The following WWC1 variants were observed in gnomAD, a reference collection of about 807,000 sequenced individuals.
The protein encoded by WWC1 is protein KIBRA.
A neutral mutation model predicts 138.4 loss-of-function variants in WWC1; 55 were observed. The observed-to-expected ratio is 0.40, with a 90% confidence interval of 0.32 to 0.50. The LOEUF (loss-of-function observed/expected upper bound fraction) is 0.50. Among genes scored for constraint, WWC1 ranks in the 20% least tolerant of loss-of-function variants. WWC1 has a pLI of 0.72. For missense variants in WWC1, 1,226 were observed against 1,420.4 expected (o/e 0.86, Z 2.20); for synonymous variants, 524 against 564.9 (o/e 0.93, Z 1.03).
At chr5:168,340,460 C>T (rs1773947840) in intron 1 of WWC1, among the ~76,000 whole-genome samples, 1 of 152,188 alleles carries the variant, frequency 6.6e-6, no homozygotes, top group South Asian at 2.1e-4. Flanking sequence ...CCACAAAAAA[C>T]TCTGCACCAC....
chr5:168,372,571 C>T (rs1382999909), intron 2 of WWC1, among the ~76,000 whole-genome samples: 1 of 152,218 alleles, frequency 6.6e-6, no homozygotes, highest in Non-Finnish European at 1.5e-5. Context: ...GGCATTATCT[C>T]TTTTAATCCT....
intron 1 of WWC1, among the ~76,000 whole-genome samples, chr5:168,317,059 T>C (rs1771667485): frequency 6.6e-6 from 1 of 152,202 alleles, no homozygotes; most frequent in Non-Finnish European, 1.5e-5. Context: ...TGCCACGTAC[T>C]GAGGGATTTT....
At chr5:168,341,344 C>T (rs764415496) in intron 1 of WWC1, among the ~76,000 whole-genome samples, 1 of 152,064 alleles carries the variant, frequency 6.6e-6, no homozygotes, top group African/African-American at 2.4e-5. Flanking sequence ...ATGCAAGACT[C>T]GAGGGTGCGG....
At chr5:168,376,005 T>C (rs17551315) in intron 2 of WWC1, among the ~76,000 whole-genome samples, 11,267 of 152,302 alleles carry the variant, frequency 0.074, 596 homozygotes, top group Non-Finnish European at 0.12. Context: ...TGTTTTCTTT[T>C]CATACTATAT....
intron 1 of WWC1, among the ~76,000 whole-genome samples, chr5:168,352,764 A>G (rs1457887062): frequency 6.6e-6 from 1 of 151,868 alleles, no homozygotes; most frequent in Non-Finnish European, 1.5e-5. Context: ...TTGTATGTTT[A>G]GTAGAGATGG....
At chr5:168,312,787 A>T (rs1287951437) in intron 1 of WWC1, among the ~76,000 whole-genome samples, 1 of 144,544 alleles carries the variant, frequency 6.9e-6, no homozygotes, top group Non-Finnish European at 1.5e-5. Flanking sequence ...CACTCAGGGT[A>T]GGTCATGGGT....
At position 168,426,501 on chromosome 5, in the gene WWC1, A is replaced by G. The variant is rs1582257368; in HGVS notation, c.1811-1532A>G. On this transcript the variant is annotated intron_variant, in intron 11 of 22. Coordinates refer to ENST00000265293, the MANE Select transcript of WWC1 (RefSeq NM_015238.3). ...GGCATTTCCTTCATGCCATCTCCAG[A>G]AGCCTTCCCTGCAGCAAGCAATGCC... Among the ~76,000 whole-genome samples the G allele has an allele frequency of 2.6e-5, 4 of 152,340 alleles. No individual in the cohort carries two copies. The South Asian group carries it at 6.2e-4, about 24-fold the overall frequency.
chr5:168,331,637 T>C (rs555101031), intron 1 of WWC1, among the ~76,000 whole-genome samples: 1 of 152,370 alleles, frequency 6.6e-6, no homozygotes, highest in African/African-American at 2.4e-5. Context: ...TATCGTTGCT[T>C]GCACCATGCA....
chr5:168,301,219 G>T (rs1214230613), intron 1 of WWC1, among the ~76,000 whole-genome samples: 2 of 152,190 alleles, frequency 1.3e-5, no homozygotes, highest in Non-Finnish European at 2.9e-5. Context: ...AAATGTGTAT[G>T]TGTTTGTTGT....
intron 17 of WWC1, among the ~76,000 whole-genome samples, chr5:168,452,854 C>G (rs1462612277): frequency 6.6e-6 from 1 of 152,070 alleles, no homozygotes; most frequent in Non-Finnish European, 1.5e-5. Flanking sequence ...GAAGCCCTAC[C>G]CTGGGTGCAT....
At chr5:168,413,862 A>G (rs530707180) in intron 8 of WWC1, among the ~76,000 whole-genome samples, 2 of 152,356 alleles carry the variant, frequency 1.3e-5, no homozygotes, top group African/African-American at 4.8e-5. Context: ...AATTGGCCCA[A>G]TGTTACATAC....
chr5:168,359,559 G>A (rs1391378736), intron 1 of WWC1, among the ~76,000 whole-genome samples: 2 of 152,114 alleles, frequency 1.3e-5, no homozygotes, highest in Non-Finnish European at 2.9e-5. Context: ...ATTTTAAGAA[G>A]CACCATTATT....
intron 1 of WWC1, among the ~76,000 whole-genome samples, chr5:168,339,956 CCT>C (rs71893673): frequency 0.2 from 25,848 of 126,974 alleles, 3,418 homozygotes; most frequent in East Asian, 0.48. Context: ...TCCCCCTCTC[CCT>C]CTCTCTCTCT....
At chr5:168,425,805 A>C (rs1343716815) in intron 11 of WWC1, among the ~76,000 whole-genome samples, 1 of 152,008 alleles carries the variant, frequency 6.6e-6, no homozygotes, top group Non-Finnish European at 1.5e-5. Flanking sequence ...AGCCCCTTTT[A>C]TCCCCATCTT....
intron 16 of WWC1, among the ~76,000 whole-genome samples, chr5:168,442,439 CAA>C (rs11430085): frequency 1.0e-5 from 1 of 97,258 alleles, no homozygotes; most frequent in Non-Finnish European, 2.0e-5. Flanking sequence ...CTTGTCTCTA[CAA>C]AAAAAAAAAA....
intron 8 of WWC1, chr5:168,413,935 G>C: frequency 5.2e-6 from 1 of 193,330 alleles, no homozygotes; most frequent in Non-Finnish European, 1.1e-5. Context: ...GCCAAGTACT[G>C]TGCTTTGCAG....
At chr5:168,374,393 T>C (rs937147397) in intron 2 of WWC1, among the ~76,000 whole-genome samples, 1 of 140,532 alleles carries the variant, frequency 7.1e-6, no homozygotes, top group Non-Finnish European at 1.6e-5. Flanking sequence ...GATGTGGTCT[T>C]CCGGGAAGAA....
chr5:168,424,406 A>AAGACAGACAGG (rs1781355428), intron 11 of WWC1, among the ~76,000 whole-genome samples: 1 of 152,194 alleles, frequency 6.6e-6, no homozygotes. Context: ...GTCACTAAGG[A>AAGACAGACAGG]TTCTGTGTTG....
At chr5:168,344,120 A>ACAGT (rs1324214726) in intron 1 of WWC1, among the ~76,000 whole-genome samples, 1 of 152,184 alleles carries the variant, frequency 6.6e-6, no homozygotes, top group Non-Finnish European at 1.5e-5. Flanking sequence ...TCCACCTAGA[A>ACAGT]CAGTCATAAT....
Sources: allele counts gnomAD v4.1 joint callset (sites outside exome capture counted in the v4.1 genomes callset), GRCh38; gene constraint gnomAD v4.1.1; transcripts MANE v1.5; gene names NCBI Gene and HGNC (gene_info 2026-07-23, HGNC 2026-07-21).